Variants in MAPKAP1 observed in about 807,000 individuals in gnomAD.
MAPKAP1 encodes target of rapamycin complex 2 subunit MAPKAP1.
A neutral mutation model predicts 65.7 loss-of-function variants in MAPKAP1; 20 were observed. The ratio of observed to expected loss-of-function variants is 0.30; its 90% CI spans 0.21 to 0.44. MAPKAP1 has a LOEUF of 0.44. Among genes scored for constraint, MAPKAP1 ranks in the 20% least tolerant of loss-of-function variants. The probability of loss-of-function intolerance (pLI) is 1.00; values close to 1 mark genes in which losing one functional copy is unlikely to be tolerated. For synonymous variants in MAPKAP1, 222 were observed against 244.3 expected (o/e 0.91, Z 0.85); for missense variants, 423 against 648.0 (o/e 0.65, Z 3.77).
intron 4 of MAPKAP1, among the ~76,000 whole-genome samples, chr9:125,625,612 T>C (rs1833094777): frequency 6.6e-6 from 1 of 152,112 alleles, no homozygotes; most frequent in South Asian, 2.1e-4. Context: ...CTGGCCAACA[T>C]GGTGAAACCC....
At position 125,643,206 on chromosome 9, in the gene MAPKAP1, T is replaced by G. The variant is rs572436714; in HGVS notation, c.498+14445A>C. Among the ~76,000 whole-genome samples, 520 of 150,996 alleles carry G rather than the reference T, an allele frequency of 3.4e-3. 4 individuals carry two copies. The highest frequency in any genetic ancestry group is 0.012 in the African/African-American group (487 of 41,026). ...TGAGCCACCACGCCCAGCGTTTTTT[T>G]TTTGGGGGGAGGGAGTCTCACTCTG... On this transcript the variant is annotated intron_variant, in intron 4 of 11. Transcript: ENST00000265960.
intron 1 of MAPKAP1, among the ~76,000 whole-genome samples, chr9:125,675,185 A>T (rs1387050931): frequency 6.6e-6 from 1 of 152,178 alleles, no homozygotes; most frequent in African/African-American, 2.4e-5. Context: ...ACCAGTAGAG[A>T]GGCAGGTGCT....
intron 5 of MAPKAP1, among the ~76,000 whole-genome samples, chr9:125,581,703 C>T (rs1428418872): frequency 1.3e-5 from 2 of 152,152 alleles, no homozygotes; most frequent in Non-Finnish European, 2.9e-5. Context: ...CTAACTTGCT[C>T]TAGGTCCCAA....
intron 4 of MAPKAP1, among the ~76,000 whole-genome samples, chr9:125,654,403 T>TC (rs1170200840): frequency 4.6e-5 from 7 of 152,216 alleles, no homozygotes; most frequent in African/African-American, 1.7e-4. Context: ...TGCTTGGCCA[T>TC]CAACCTTGAA....
At chr9:125,566,359 G>GT (rs899710410) in intron 5 of MAPKAP1, among the ~76,000 whole-genome samples, 2 of 152,128 alleles carry the variant, frequency 1.3e-5, no homozygotes, top group African/African-American at 4.8e-5. Context: ...GAGCCCAGGA[G>GT]TTTGAGACTA....
At chr9:125,592,697 G>C (rs367740891) in intron 4 of MAPKAP1, among the ~76,000 whole-genome samples, 1 of 151,728 alleles carries the variant, frequency 6.6e-6, no homozygotes, top group Admixed American at 6.6e-5. Flanking sequence ...GAGGTCAGGA[G>C]ATCGAGACCA....
chr9:125,570,695 G>A (rs1831202475), intron 5 of MAPKAP1, among the ~76,000 whole-genome samples: 1 of 152,114 alleles, frequency 6.6e-6, no homozygotes, highest in African/African-American at 2.4e-5. Flanking sequence ...GAAATCATGG[G>A]AATGTGAATT....
At chr9:125,604,936 C>T (rs903271095) in intron 4 of MAPKAP1, among the ~76,000 whole-genome samples, 22 of 152,174 alleles carry the variant, frequency 1.4e-4, no homozygotes, top group Admixed American at 5.9e-4. Context: ...CAATTATCCC[C>T]GTTCCTATTC....
chr9:125,556,099 G>A (rs973030277), intron 6 of MAPKAP1, among the ~76,000 whole-genome samples: 2 of 152,196 alleles, frequency 1.3e-5, no homozygotes, highest in African/African-American at 2.4e-5. Flanking sequence ...AAGATGATGC[G>A]TACATATGCT....
At chr9:125,649,236 A>G (rs966012507) in intron 4 of MAPKAP1, among the ~76,000 whole-genome samples, 4 of 152,124 alleles carry the variant, frequency 2.6e-5, no homozygotes, top group African/African-American at 9.7e-5. Flanking sequence ...ATTCATTCCA[A>G]CCAGATTCCC....
intron 5 of MAPKAP1, among the ~76,000 whole-genome samples, chr9:125,569,516 A>C (rs1213287243): frequency 6.6e-6 from 1 of 152,200 alleles, no homozygotes; most frequent in Non-Finnish European, 1.5e-5. Context: ...CTGGGAGGTT[A>C]CCTGTGGTAA....
At chr9:125,637,749 A>G (rs1232024803) in intron 4 of MAPKAP1, among the ~76,000 whole-genome samples, 1 of 152,206 alleles carries the variant, frequency 6.6e-6, no homozygotes, top group Non-Finnish European at 1.5e-5. Flanking sequence ...TAGCATACCC[A>G]CAATAGGAAG....
At chr9:125,455,828 C>T (rs531403403) in intron 10 of MAPKAP1, among the ~76,000 whole-genome samples, 4 of 152,344 alleles carry the variant, frequency 2.6e-5, no homozygotes, top group African/African-American at 4.8e-5. Flanking sequence ...CATTCCATAT[C>T]GTTGGTAACT....
At chr9:125,615,904 A>T (rs1218628459) in intron 4 of MAPKAP1, among the ~76,000 whole-genome samples, 3 of 149,858 alleles carry the variant, frequency 2.0e-5, no homozygotes, top group African/African-American at 7.4e-5. Flanking sequence ...ACAGAGTGGG[A>T]CTCCGTCTCA....
intron 4 of MAPKAP1, among the ~76,000 whole-genome samples, chr9:125,591,920 C>T (rs1831977535): frequency 6.6e-6 from 1 of 152,196 alleles, no homozygotes; most frequent in Non-Finnish European, 1.5e-5. Flanking sequence ...TCATATCATA[C>T]AGTTTCACTG....
intron 10 of MAPKAP1, among the ~76,000 whole-genome samples, chr9:125,445,325 G>A (rs371175143): frequency 1.3e-5 from 2 of 152,156 alleles, no homozygotes; most frequent in Non-Finnish European, 1.5e-5. Flanking sequence ...CCGCTGCCCC[G>A]ACAGGCCACA....
Position 125,551,133 on chromosome 9 carries a change from T to C in MAPKAP1, c.849-7965A>G, listed in dbSNP as rs144780124. Reference sequence around the variant, plus strand: ...AAAAAGAAATAAATGAGATAGCATCTATTGGAGGTATGAAACTGAATGAGT... The same window carrying C: ...AAAAAGAAATAAATGAGATAGCATCCATTGGAGGTATGAAACTGAATGAGT... On this transcript the variant is annotated intron_variant, in intron 6 of 11. Coordinates refer to ENST00000265960, the MANE Select transcript of MAPKAP1 (RefSeq NM_001006617.3). Among the ~76,000 whole-genome samples the C allele has an allele frequency of 2.6e-5, 4 of 152,306 alleles. No homozygotes were observed. In the East Asian group the frequency reaches 7.7e-4, roughly 29 times the overall value.
At chr9:125,695,916 CG>C (rs537295214) in intron 1 of MAPKAP1, among the ~76,000 whole-genome samples, 77 of 152,010 alleles carry the variant, frequency 5.1e-4, no homozygotes, top group African/African-American at 1.8e-3. Flanking sequence ...TTAGTAGAGA[CG>C]GGGTTTCTAC....
Position 125,516,962 on chromosome 9 carries a change from C to T in MAPKAP1, c.959-10545G>A, listed in dbSNP as rs1229883883. On this transcript the variant is annotated intron_variant, in intron 7 of 11. Coordinates refer to ENST00000265960, the MANE Select transcript of MAPKAP1 (RefSeq NM_001006617.3). ...CAACTGACATGGAGGACTTTCCTGG[C>T]CCTTAACAACGTGCTTTCCATGCAT... Among the ~76,000 whole-genome samples, 3 of 152,204 alleles carry T rather than the reference C, an allele frequency of 2.0e-5. No individual in the cohort carries two copies. The East Asian group carries it at 5.8e-4, about 29-fold the overall frequency.
Sources: allele counts gnomAD v4.1 joint callset (sites outside exome capture counted in the v4.1 genomes callset), GRCh38; gene constraint gnomAD v4.1.1; transcripts MANE v1.5; gene names NCBI Gene and HGNC (gene_info 2026-07-23, HGNC 2026-07-21).